The following ZC3H7B variants were observed in gnomAD, a reference collection of about 807,000 sequenced individuals.
ZC3H7B encodes the protein zinc finger CCCH-type containing 7B, also known as zinc finger CCCH domain-containing protein 7B.
ZC3H7B carries 35 observed loss-of-function variants against 116.0 expected under a neutral mutation model. The observed-to-expected ratio is 0.30, with a 90% CI of 0.23 to 0.40. The LOEUF is 0.40. ZC3H7B is among the 10% of genes least tolerant of loss of function. The pLI is 1.00. For synonymous variants in ZC3H7B, 502 were observed against 545.6 expected (o/e 0.92, Z 1.11); for missense variants, 1,011 against 1,321.5 (o/e 0.77, Z 3.64).
At chr22:41,328,797 A>G (rs2145917973) in intron 5 of ZC3H7B, among the ~76,000 whole-genome samples, 1 of 152,134 alleles carries the variant, frequency 6.6e-6, no homozygotes, top group East Asian at 1.9e-4. Flanking sequence ...CCTGTGCCTC[A>G]TGTATGTATC....
rs531914700 is a variant in ZC3H7B, at chr22:41,343,689, G to T, written c.1459+113G>T. On this transcript the variant is annotated intron_variant, in intron 13 of 22. Coordinates refer to ENST00000352645, the MANE Select transcript of ZC3H7B (RefSeq NM_017590.6). ...CAGAACAGGGGTGGGCCTCACAGCTGCACGGGAGGAGAAAGCCACGGCCTA... is the reference window on the plus strand; with the variant it reads ...CAGAACAGGGGTGGGCCTCACAGCTTCACGGGAGGAGAAAGCCACGGCCTA... 5.1e-6 allele frequency: 7 copies of T among 1,373,892 alleles called. No homozygotes were observed. In the African/African-American group the frequency reaches 8.8e-5, roughly 17 times the overall value. 85.1% of individuals were successfully genotyped at this position (1,373,892 alleles called of 1,614,324 possible).
At position 41,338,643 on chromosome 22, in the gene ZC3H7B, C is replaced by A. The variant is rs2036475552; in HGVS notation, c.625+288C>A. ...TGCACACCCCCACCTCTTCCAAAGC[C>A]CTTTCCCCTCCTCTTCCTCATTGGC... On this transcript the variant is annotated intron_variant, in intron 8 of 22. Transcript: ENST00000352645. The surrounding 1 kb of genome is among the most constrained non-coding windows in gnomAD (Gnocchi z 4.5). Among the ~76,000 whole-genome samples the A allele has an allele frequency of 6.6e-6, 1 of 152,186 alleles. No individual in the cohort carries two copies. Among genetic ancestry groups the A allele is most frequent in the Non-Finnish European group, 1.5e-5 (1 of 68,020 alleles).
chr22:41,313,519 T>G (rs892272205), intron 1 of ZC3H7B, among the ~76,000 whole-genome samples: 11 of 152,256 alleles, frequency 7.2e-5, no homozygotes, highest in Middle Eastern at 3.4e-3. Context: ...ATGGACAACC[T>G]TGAAGGAGCA....
intron 1 of ZC3H7B, 46 bp from the exon 2 acceptor site, chr22:41,320,608 AG>A: frequency 6.2e-7 from 1 of 1,611,148 alleles, no homozygotes; most frequent in African/African-American, 1.3e-5. Context: ...GGCTGACGGC[AG>A]CCTGGCTCTT....
chr22:41,308,283 A>G (rs561391560), intron 1 of ZC3H7B, among the ~76,000 whole-genome samples: 2 of 152,170 alleles, frequency 1.3e-5, no homozygotes, highest in South Asian at 4.1e-4. Flanking sequence ...TGGTTCAGCT[A>G]TGCTCTTGTT....
intron 5 of ZC3H7B, among the ~76,000 whole-genome samples, chr22:41,329,346 C>T (rs2036354233): frequency 6.7e-6 from 1 of 150,280 alleles, no homozygotes. Flanking sequence ...GCAACCACTG[C>T]CTCCTGAGTT....
chr22:41,334,876 T>C (rs1254886889), intron 7 of ZC3H7B: 1 of 152,248 alleles, frequency 6.6e-6, no homozygotes, highest in Non-Finnish European at 1.5e-5. Context: ...GAGCTTCTTA[T>C]GACCTAGGAG....
intron 3 of ZC3H7B, 53 bp from the exon 4 acceptor site, chr22:41,325,668 G>A (rs908809330): frequency 1.2e-6 from 2 of 1,607,902 alleles, no homozygotes; most frequent in Non-Finnish European, 8.5e-7. Context: ...TGGGCCGGGT[G>A]CCAGAGCTGG....
At chr22:41,308,448 T>C (rs1415255970) in intron 1 of ZC3H7B, among the ~76,000 whole-genome samples, 1 of 152,166 alleles carries the variant, frequency 6.6e-6, no homozygotes, top group Non-Finnish European at 1.5e-5. Flanking sequence ...TGTCTCCTTT[T>C]CTGTGAAACG....
At chr22:41,308,858 C>T (rs1330469371) in intron 1 of ZC3H7B, among the ~76,000 whole-genome samples, 1 of 152,092 alleles carries the variant, frequency 6.6e-6, no homozygotes, top group Non-Finnish European at 1.5e-5. Context: ...GGAACATTAT[C>T]AGCTTGTTCC....
Position 41,339,964 on chromosome 22 carries a change from G to A in ZC3H7B, c.965G>A (p.Gly322Asp). ...VSSPLPPASF[G>D]LVMDPSKKLA... The stretch of plus-strand genomic sequence containing the variant: ...AGCCCACTGCCCCCCGCCTCCTTCG[G>A]CTTGGTCATGGACCCCTCCAAGAAG... Residue 322 changes from glycine to aspartate, a missense_variant, in exon 10 of 23, where the codon GGC becomes GAC. Physicochemically the swap from Gly to Asp is moderately conservative, Grantham distance 94 (BLOSUM62 -1). Transcript: ENST00000352645. 6.2e-7 allele frequency: 1 copy of A among 1,612,240 alleles called. No individual in the cohort carries two copies. The highest frequency in any genetic ancestry group is 2.2e-5 in the East Asian group (1 of 44,862).
chr22:41,340,231 T>C (rs2036504107), intron 10 of ZC3H7B, 94 bp downstream of exon 10: 1 of 1,331,646 alleles, frequency 7.5e-7, no homozygotes, highest in Non-Finnish European at 1.0e-6. Context: ...GAGTTACAGA[T>C]CTGTTTGTCC....
At chr22:41,315,377 A>C (rs1290996272) in intron 1 of ZC3H7B, among the ~76,000 whole-genome samples, 1 of 133,036 alleles carries the variant, frequency 7.5e-6, no homozygotes, top group East Asian at 2.0e-4. Flanking sequence ...TTTTGTAGAA[A>C]TGGAGTCTTG....
chr22:41,302,911 T>G lies in ZC3H7B; in HGVS notation c.-7+1139T>G, dbSNP rs1338060756. Among the ~76,000 whole-genome samples the G allele has an allele frequency of 6.6e-6, 1 of 152,140 alleles. No homozygotes were observed. Among genetic ancestry groups the G allele is most frequent in the Non-Finnish European group, 1.5e-5 (1 of 68,026 alleles). On this transcript the variant is annotated intron_variant, in intron 1 of 22. Transcript: ENST00000352645. The surrounding 1 kb of genome is among the most constrained non-coding windows in gnomAD (Gnocchi z 5.7). Reference sequence around the variant, plus strand: ...GGTTTTATTTCTCGGGTTGCTAGCTTTGGCATCAGACTTTGAACCCCAACT... The same window carrying G: ...GGTTTTATTTCTCGGGTTGCTAGCTGTGGCATCAGACTTTGAACCCCAACT...
Position 41,357,571 on chromosome 22 carries a change from T to A in ZC3H7B, c.*142T>A. The A allele has an allele frequency of 9.0e-7, 1 of 1,116,092 alleles. No individual in the cohort carries two copies. Among genetic ancestry groups the A allele is most frequent in the Non-Finnish European group, 1.2e-6 (1 of 809,116 alleles). 69.1% of individuals were successfully genotyped at this position (1,116,092 alleles called of 1,614,324 possible). A position where few individuals can be genotyped will look rare whatever the true frequency, so the allele number is the denominator to read the frequency against. On this transcript the variant is annotated 3_prime_UTR_variant, in exon 23 of 23. Coordinates refer to ENST00000352645, the MANE Select transcript of ZC3H7B (RefSeq NM_017590.6). This position sits in a 1 kb window ranked among gnomAD's most constrained non-coding sequence, Gnocchi z 5.4. ...CCCCAGCCCCCTGAGGCCCTGTCCA[T>A]CTTCTCCCCACCACCGCCCCGGTGT...
rs1157933443 is a variant in ZC3H7B at position 41,349,265 on chromosome 22, A to G, written c.1912A>G (p.Ile638Val). The change falls in exon 16 of 23, where the codon ATC becomes GTC. Residue 638 changes from isoleucine (I) to valine (V), a missense_variant. Ile to Val is a conservative substitution (Grantham distance 29). Transcript: ENST00000352645. This position sits in a 1 kb window ranked among gnomAD's most constrained non-coding sequence, Gnocchi z 4.9. ...EDSCHFAHSF[I>V]ELKVWLLQQY... is the part of the protein sequence containing the mutation. ...CAGCTGCCACTTCGCCCACAGCTTC[A>G]TCGAGCTCAAGGTCTGGCTGCTGCA... 6.2e-7 allele frequency: 1 copy of G among 1,613,624 alleles called. No individual in the cohort carries two copies. Among genetic ancestry groups the G allele is most frequent in the African/African-American group, 1.3e-5 (1 of 74,912 alleles).
rs1166436762 is a variant in ZC3H7B, at chr22:41,302,641, C to A, written c.-7+869C>A. On this transcript the variant is annotated intron_variant, in intron 1 of 22. Coordinates refer to ENST00000352645, the MANE Select transcript of ZC3H7B (RefSeq NM_017590.6). The surrounding 1 kb of genome is among the most constrained non-coding windows in gnomAD (Gnocchi z 5.7). Reference sequence around the variant, plus strand: ...CGGGTTTGCTCCCTCCTCCTTTCCCCTCCTTTCTCCTCAACTCTGTCTGTT... The same window carrying A: ...CGGGTTTGCTCCCTCCTCCTTTCCCATCCTTTCTCCTCAACTCTGTCTGTT... Among the ~76,000 whole-genome samples the A allele has an allele frequency of 6.6e-6, 1 of 152,228 alleles. No homozygotes were observed. The highest frequency in any genetic ancestry group is 1.5e-5 in the Non-Finnish European group (1 of 68,034).
rs944373152 is a variant in ZC3H7B at position 41,330,667 on chromosome 22, C to T, written c.525+564C>T. Among the ~76,000 whole-genome samples the T allele has an allele frequency of 2.6e-5, 4 of 152,176 alleles. No homozygotes were observed. The East Asian group carries it at 7.8e-4, about 30-fold the overall frequency. On this transcript the variant is annotated intron_variant, in intron 6 of 22. Transcript: ENST00000352645. ...AAAAAGAGAGAATGGATGGGCTGGA[C>T]GCAGTGCCTCATGCCTGTAATCCCA...
intron 14 of ZC3H7B, 141 bp from the exon 15 acceptor site, chr22:41,347,926 G>C (rs1194939658): frequency 1.4e-6 from 1 of 690,206 alleles, no homozygotes; most frequent in Non-Finnish European, 2.6e-6. Flanking sequence ...ACAGACCCTG[G>C]GATTCCCTTC....
Sources: allele counts gnomAD v4.1 joint callset (sites outside exome capture counted in the v4.1 genomes callset), GRCh38; gene constraint gnomAD v4.1.1; non-coding constraint Gnocchi (gnomAD v3.1); transcripts MANE v1.5; gene names NCBI Gene and HGNC (gene_info 2026-07-23, HGNC 2026-07-21).